Variants in SLCO1A2 observed in about 807,000 individuals in gnomAD.
SLCO1A2 encodes OATP-1.
In SLCO1A2, 67 loss-of-function variants were observed where a neutral mutation model predicts 69.0. The ratio of observed to expected loss-of-function variants is 0.97; its 90% confidence interval spans 0.80 to 1.19. The LOEUF (loss-of-function observed/expected upper bound fraction) is 1.19, where lower values mean the gene tolerates loss of function less well. SLCO1A2 is among the 50% of genes most tolerant of loss of function. The pLI is 0.00. For missense variants in SLCO1A2, 787 were observed against 793.7 expected (o/e 0.99, Z 0.10); for synonymous variants, 260 against 265.9 (o/e 0.98, Z 0.22).
intron 3 of SLCO1A2, among the ~76,000 whole-genome samples, chr12:21,315,753 G>C (rs1950791650): frequency 1.3e-5 from 2 of 152,122 alleles, no homozygotes; most frequent in Non-Finnish European, 2.9e-5. Flanking sequence ...TCATCACCAA[G>C]CCCATCCGTG....
chr12:21,320,034 T>G lies in SLCO1A2; in HGVS notation c.61-1111A>C, dbSNP rs74730967. Among the ~76,000 whole-genome samples, 686 of 152,292 alleles carry G rather than the reference T, an allele frequency of 4.5e-3. 17 individuals are homozygous for G. The East Asian group carries it at 0.09, about 20-fold the overall frequency. ...TTTACATCAACTTGAATGGTGGTCT[T>G]CAGTCACATGCCATAGAGATTTTTG... On this transcript the variant is annotated intron_variant, in intron 2 of 14. Coordinates refer to ENST00000683939, the MANE Select transcript of SLCO1A2 (RefSeq NM_001386879.1).
chr12:21,302,143 A>C (rs1409734536), intron 6 of SLCO1A2, among the ~76,000 whole-genome samples: 2 of 152,034 alleles, frequency 1.3e-5, no homozygotes, highest in Non-Finnish European at 2.9e-5. Flanking sequence ...CAAAATCTCA[A>C]ATCCACCCTG....
chr12:21,298,535 A>T (rs570281351), intron 8 of SLCO1A2, among the ~76,000 whole-genome samples: 58 of 152,310 alleles, frequency 3.8e-4, no homozygotes, highest in Non-Finnish European at 7.5e-4. Context: ...CAATAAATAA[A>T]CAATTTAGAA....
chr12:21,277,150 GGA>G (rs1944008807), intron 12 of SLCO1A2, among the ~76,000 whole-genome samples: 1 of 152,130 alleles, frequency 6.6e-6, no homozygotes, highest in Non-Finnish European at 1.5e-5. Context: ...TTCTACTTGA[GGA>G]GAGGGGAGAA....
chr12:21,344,076 A>G (rs1286564950), intron 2 of SLCO1A2, among the ~76,000 whole-genome samples: 2 of 152,132 alleles, frequency 1.3e-5, no homozygotes, highest in African/African-American at 4.8e-5. Context: ...TCATAAGTGA[A>G]TTCATGAATC....
In SLCO1A2 at chr12:21,266,676, G is replaced by C. The variant is rs1591761847; in HGVS notation, c.*2872C>G. The C allele has an allele frequency of 6.6e-6, 1 of 151,846 alleles. No homozygotes were observed. Among genetic ancestry groups the C allele is most frequent in the African/African-American group, 2.4e-5 (1 of 41,318 alleles). The allele number at this position is 151,846 out of a possible 1,614,324, so 9.4% of individuals were successfully genotyped here. A position where few individuals can be genotyped will look rare whatever the true frequency, so the allele number is the denominator to read the frequency against. On this transcript the variant is annotated 3_prime_UTR_variant, in exon 15 of 15. Coordinates refer to ENST00000683939, the MANE Select transcript of SLCO1A2 (RefSeq NM_001386879.1). Reference sequence around the variant, plus strand: ...TCAACCCCAGCCCTTGAACCTTAAGGGTGTGTATATTCTGAGGTCTTCGAG... The same window carrying C: ...TCAACCCCAGCCCTTGAACCTTAAGCGTGTGTATATTCTGAGGTCTTCGAG...
chr12:21,344,465 C>A (rs1372104591), intron 2 of SLCO1A2, among the ~76,000 whole-genome samples: 1 of 152,080 alleles, frequency 6.6e-6, no homozygotes, highest in Non-Finnish European at 1.5e-5. Flanking sequence ...ATTACCCCTT[C>A]TTACTTTTGA....
At chr12:21,396,605 T>C (rs1486014670), upstream of SLCO1A2, among the ~76,000 whole-genome samples, 7 of 151,758 alleles carry the variant, frequency 4.6e-5, no homozygotes, top group African/African-American at 1.2e-4. Context: ...GGAAAAAATG[T>C]TAAGGGCAGC....
intron 2 of SLCO1A2, among the ~76,000 whole-genome samples, chr12:21,359,882 G>T (rs985833840): frequency 6.6e-6 from 1 of 152,026 alleles, no homozygotes; most frequent in Non-Finnish European, 1.5e-5. Flanking sequence ...CCTCAAACTA[G>T]AAACAACCCG....
chr12:21,308,142 T>C lies in SLCO1A2; in HGVS notation c.336-1154A>G, dbSNP rs373988817. On this transcript the variant is annotated intron_variant, in intron 4 of 14. Transcript: ENST00000683939. ...CAAAAATACTTTAAAAGAGAAAATA[T>C]GTTTTGTTAATTTATCCACTAAAAA... is the stretch of plus-strand genomic sequence containing the variant. 8.5e-5 allele frequency among the ~76,000 whole-genome samples: 13 copies of C among 152,326 alleles called. 1 individual carries two copies. Among genetic ancestry groups the C allele is most frequent in the African/African-American group, 2.9e-4 (12 of 41,578 alleles).
At chr12:21,378,480 AT>A in intron 1 of SLCO1A2, 26 of 1,428,038 alleles carry the variant, frequency 1.8e-5, no homozygotes, top group Non-Finnish European at 2.5e-5. Flanking sequence ...TTCCTGTATA[AT>A]TTAACAGTGC....
chr12:21,399,981 C>T (rs535478542), upstream of SLCO1A2, among the ~76,000 whole-genome samples: 176 of 152,114 alleles, frequency 1.2e-3, no homozygotes, highest in African/African-American at 4.2e-3. Context: ...GACTTCATGT[C>T]TAAAACACCA....
intron 1 of SLCO1A2, among the ~76,000 whole-genome samples, chr12:21,385,450 A>G (rs1488544560): frequency 6.6e-6 from 1 of 152,242 alleles, no homozygotes; most frequent in East Asian, 1.9e-4. Context: ...AAAAACTCTC[A>G]TCAATATCAA....
chr12:21,339,442 T>G (rs1952995515), upstream of SLCO1A2, among the ~76,000 whole-genome samples: 1 of 151,994 alleles, frequency 6.6e-6, no homozygotes, highest in Non-Finnish European at 1.5e-5. Context: ...GTACAACTGG[T>G]TTGAAAGCCT....
At chr12:21,354,182 A>G (rs1428090893) in intron 2 of SLCO1A2, among the ~76,000 whole-genome samples, 1 of 152,206 alleles carries the variant, frequency 6.6e-6, no homozygotes, top group Admixed American at 6.5e-5. Flanking sequence ...TAATGTCTCC[A>G]CTACACTCAT....
chr12:21,324,172 C>T (rs191191908), intron 2 of SLCO1A2, among the ~76,000 whole-genome samples: 63 of 152,170 alleles, frequency 4.1e-4, no homozygotes, highest in African/African-American at 1.1e-3. Flanking sequence ...AACTATAATC[C>T]GCTATCTCTT....
intron 1 of SLCO1A2, among the ~76,000 whole-genome samples, chr12:21,414,293 A>G (rs201736685): frequency 7.6e-6 from 1 of 132,266 alleles, no homozygotes; most frequent in Admixed American, 7.5e-5. Flanking sequence ...TTTTTTTTTT[A>G]ATTTCTTCTT....
chr12:21,300,278 G>A (rs1948539942), intron 8 of SLCO1A2, 70 bp downstream of exon 8: 2 of 1,136,638 alleles, frequency 1.8e-6, no homozygotes, highest in Non-Finnish European at 2.5e-6. Flanking sequence ...CATAGTGTTA[G>A]ACTAAAATAC....
At chr12:21,318,039 TAGC>T (rs1951098315) in intron 3 of SLCO1A2, among the ~76,000 whole-genome samples, 1 of 152,042 alleles carries the variant, frequency 6.6e-6, no homozygotes, top group East Asian at 1.9e-4. Flanking sequence ...CCAGACCAAA[TAGC>T]AGAAAAATAT....
Sources: allele counts gnomAD v4.1 joint callset (sites outside exome capture counted in the v4.1 genomes callset), GRCh38; gene constraint gnomAD v4.1.1; transcripts MANE v1.5; gene names NCBI Gene and HGNC (gene_info 2026-07-23, HGNC 2026-07-21).